ABCA13: variants seen among roughly 807,000 people sequenced by gnomAD.
ABCA13 encodes the protein ATP-binding cassette sub-family A member 13.
A neutral mutation model predicts 478.7 loss-of-function variants in ABCA13; 476 were observed. That is an observed-to-expected ratio of 0.99 (90% CI 0.92 to 1.07). The LOEUF (loss-of-function observed/expected upper bound fraction) is 1.07. Ranked by LOEUF, ABCA13 falls within the 50% of genes least tolerant of loss-of-function variation. The pLI is 0.00. For missense variants in ABCA13, 6,060 were observed against 5,910.6 expected, an observed-to-expected ratio of 1.03 and a Z score of -0.83; for synonymous variants, 2,252 against 2,158.9, an observed-to-expected ratio of 1.04 and a Z score of -1.20.
chr7:48,522,119 G>A (rs886795169), intron 53 of ABCA13, among the ~76,000 whole-genome samples: 2 of 152,012 alleles, frequency 1.3e-5, no homozygotes, highest in African/African-American at 4.8e-5. Flanking sequence ...TCTCTATTAG[G>A]GCACATCTAT....
chr7:48,328,491 TAGCAGTTCTCTAAGAC>T lies in ABCA13; in HGVS notation c.10000-6924_10000-6909del, dbSNP rs1804673498. On this transcript the variant is annotated intron_variant, in intron 27 of 61. Transcript: ENST00000435803. ...TTGTTTGATATAACCTCCTATAAAA[TAGCAGTTCTCTAAGAC>T]AGCAGTATCAGTAGAACTGTGAATG... Among the ~76,000 whole-genome samples the T allele has an allele frequency of 3.3e-5, 5 of 152,238 alleles. No homozygotes were observed. The South Asian group carries it at 1.0e-3, about 32-fold the overall frequency.
chr7:48,246,469 G>A (rs1791698973), intron 13 of ABCA13, among the ~76,000 whole-genome samples: 1 of 152,200 alleles, frequency 6.6e-6, no homozygotes, highest in South Asian at 2.1e-4. Context: ...CAGCGCTCAA[G>A]TGGGACTGCA....
At position 48,279,640 on chromosome 7, in the gene ABCA13, A is replaced by T; in HGVS notation, c.8446A>T (p.Ile2816Phe). ...AACTCATCATCAACTTGAAAAAGCA[A>T]TCCATAATGTTTTAAGTAGAATAGC... ...NITHHQLEKA[I>F]HNVLSRIALW... Residue 2816 changes from isoleucine (I) to phenylalanine (F), a missense_variant, in exon 18 of 62, where the codon ATC becomes TTC. Ile to Phe is a conservative substitution (Grantham distance 21). This residue lies in a region of ABCA13 where 4,423 missense variants were observed against 4,309.1 expected (regional missense o/e 1.03). Coordinates refer to ENST00000435803, the MANE Select transcript of ABCA13 (RefSeq NM_152701.5). 6.2e-7 allele frequency: 1 copy of T among 1,613,058 alleles called. No homozygotes were observed. The highest frequency in any genetic ancestry group is 2.2e-5 in the East Asian group (1 of 44,804).
intron 15 of ABCA13, among the ~76,000 whole-genome samples, chr7:48,258,448 C>G (rs914061890): frequency 5.9e-5 from 9 of 151,840 alleles, no homozygotes; most frequent in Non-Finnish European, 8.8e-5. Flanking sequence ...TTTTTCATTT[C>G]TGATTGTTTA....
chr7:48,338,647 G>C (rs1324524640), intron 29 of ABCA13, among the ~76,000 whole-genome samples, 192 bp downstream of exon 29: 5 of 152,164 alleles, frequency 3.3e-5, no homozygotes, highest in Non-Finnish European at 7.3e-5. Flanking sequence ...TTTCATACCT[G>C]AAGTTTTTTC....
intron 35 of ABCA13, 82 bp from the exon 36 acceptor site, chr7:48,387,740 A>G (rs1815405138): frequency 3.6e-6 from 4 of 1,125,020 alleles, no homozygotes; most frequent in Non-Finnish European, 4.9e-6. Context: ...ATGACATTTT[A>G]TATTAATTAC....
At chr7:48,398,191 G>A (rs762785229) in intron 38 of ABCA13, among the ~76,000 whole-genome samples, 2 of 152,204 alleles carry the variant, frequency 1.3e-5, no homozygotes, top group Non-Finnish European at 1.5e-5. Flanking sequence ...TTTAAAACAA[G>A]TCATAGGTTA....
rs1294813603 is a variant in ABCA13, at chr7:48,240,975, A to G, written c.1171A>G (p.Lys391Glu). 5 of 1,613,922 alleles carry G rather than the reference A, an allele frequency of 3.1e-6. No individual in the cohort carries two copies. Among genetic ancestry groups the G allele is most frequent in the African/African-American group, 1.3e-5 (1 of 75,064 alleles). ...GTTTGAAGAAGAGAGCAAGCCCTGG[A>G]AGGTGGTGGAAGCTCTGCACACTGC... ...NQFEEESKPW[K>E]VVEALHTALL... The change falls in exon 10 of 62, where the codon AAG (lysine) becomes GAG (glutamate). Residue 391 changes from lysine (K) to glutamate (E), a missense_variant. By Grantham distance (56) the Lys-to-Glu change is moderately conservative. Coordinates refer to ENST00000435803, the MANE Select transcript of ABCA13 (RefSeq NM_152701.5).
chr7:48,401,893 GT>G (rs1817662928), intron 38 of ABCA13, among the ~76,000 whole-genome samples: 1 of 152,168 alleles, frequency 6.6e-6, no homozygotes, highest in African/African-American at 2.4e-5. Flanking sequence ...AGATCGGTCA[GT>G]TTAATGCTAA....
At position 48,420,762 on chromosome 7, in the gene ABCA13, C is replaced by G. The variant is rs1249210918; in HGVS notation, c.12460-7004C>G. 1.0e-4 allele frequency among the ~76,000 whole-genome samples: 14 copies of G among 139,854 alleles called. No individual in the cohort carries two copies. In the East Asian group the frequency reaches 2.7e-3, roughly 27 times the overall value. 91.7% of individuals were successfully genotyped at this position (139,854 alleles called of 152,430 possible). ...TTTTTTTTTTGACTTTTTTTTAGAA[C>G]AATTTTTAAGAAAAAAGAATTGCTG... On this transcript the variant is annotated intron_variant, in intron 41 of 61. Transcript: ENST00000435803.
At chr7:48,549,489 A>G (rs1023503115) in intron 55 of ABCA13, among the ~76,000 whole-genome samples, 3 of 151,782 alleles carry the variant, frequency 2.0e-5, no homozygotes, top group African/African-American at 7.3e-5. Flanking sequence ...GGTTGGTTCC[A>G]TGTCTTTGCT....
intron 1 of ABCA13, among the ~76,000 whole-genome samples, chr7:48,188,914 A>G (rs1271575200): frequency 6.6e-6 from 1 of 152,182 alleles, no homozygotes; most frequent in Non-Finnish European, 1.5e-5. Flanking sequence ...GCGGATGGGA[A>G]GCTCCGGGGT....
At chr7:48,361,789 A>G (rs959902114) in intron 31 of ABCA13, among the ~76,000 whole-genome samples, 2 of 151,790 alleles carry the variant, frequency 1.3e-5, no homozygotes, top group Admixed American at 6.6e-5. Flanking sequence ...TTGACCCAAG[A>G]GCTGTTTAAA....
intron 23 of ABCA13, among the ~76,000 whole-genome samples, chr7:48,308,689 T>A (rs766890358): frequency 2.6e-5 from 4 of 152,066 alleles, no homozygotes; most frequent in Non-Finnish European, 5.9e-5. Context: ...ATGTACCAGA[T>A]AGCGATATTT....
intron 27 of ABCA13, among the ~76,000 whole-genome samples, chr7:48,334,445 C>A (rs1200041688): frequency 6.6e-6 from 1 of 152,038 alleles, no homozygotes; most frequent in Non-Finnish European, 1.5e-5. Context: ...TGCCATTCTC[C>A]TGCCTCAGCC....
intron 26 of ABCA13, among the ~76,000 whole-genome samples, chr7:48,315,757 C>T (rs547079668): frequency 6.6e-6 from 1 of 152,208 alleles, no homozygotes; most frequent in South Asian, 2.1e-4. Flanking sequence ...GGATTACAGG[C>T]GTGAGCCACT....
chr7:48,477,043 C>T (rs1485295590), intron 45 of ABCA13, among the ~76,000 whole-genome samples: 1 of 152,104 alleles, frequency 6.6e-6, no homozygotes, highest in African/African-American at 2.4e-5. Flanking sequence ...CTTCTGGACT[C>T]AAGATCTGTA....
intron 34 of ABCA13, among the ~76,000 whole-genome samples, chr7:48,375,301 G>C (rs1366950113): frequency 6.6e-6 from 1 of 151,960 alleles, no homozygotes; most frequent in African/African-American, 2.4e-5. Context: ...TGTTGACCTG[G>C]GATCTGTCTT....
intron 27 of ABCA13, 93 bp downstream of exon 27, chr7:48,317,389 T>TCTACATAATCCAA: frequency 7.3e-7 from 1 of 1,361,436 alleles, no homozygotes; most frequent in African/African-American, 1.5e-5. Flanking sequence ...TTATGCGCCT[T>TCTACATAATCCAA]GGATTATGTA....
Sources: gnomAD v4.1 joint callset for allele counts (sites outside exome capture counted in the v4.1 genomes callset) on GRCh38, gnomAD v4.1.1 for gene constraint, gnomAD v4.1.1 regional missense constraint, MANE v1.5 for transcripts, NCBI Gene and HGNC (gene_info 2026-07-23, HGNC 2026-07-21) for gene names.